ADARB2: variants seen among roughly 807,000 people sequenced by gnomAD.
ADARB2 encodes the protein inactive double-stranded RNA-specific editase B2.
A neutral mutation model predicts 62.2 loss-of-function variants in ADARB2; 25 were observed. The ratio of observed to expected loss-of-function variants is 0.40; its 90% confidence interval spans 0.29 to 0.56. The LOEUF is 0.56. Ranked by LOEUF, ADARB2 falls within the 20% of genes least tolerant of loss-of-function variation. ADARB2 has a pLI of 0.43. For missense variants in ADARB2, 1,071 were observed against 1,077.4 expected, an observed-to-expected ratio of 0.99 and a Z score of 0.08; for synonymous variants, 572 against 500.8, an observed-to-expected ratio of 1.14 and a Z score of -1.90.
intron 2 of ADARB2, among the ~76,000 whole-genome samples, chr10:1,374,599 G>A (rs1365234775): frequency 6.6e-6 from 1 of 152,186 alleles, no homozygotes; most frequent in East Asian, 1.9e-4. Flanking sequence ...GCCAGGCCGG[G>A]TGGGTCTGCC....
intron 3 of ADARB2, among the ~76,000 whole-genome samples, chr10:1,312,627 C>T (rs1831702727): frequency 6.6e-6 from 1 of 152,182 alleles, no homozygotes; most frequent in East Asian, 1.9e-4. Flanking sequence ...TCACAGTAAC[C>T]CTTTGAGGTA....
intron 1 of ADARB2, among the ~76,000 whole-genome samples, chr10:1,490,926 A>G (rs1831613988): frequency 6.6e-6 from 1 of 152,236 alleles, no homozygotes; most frequent in Admixed American, 6.5e-5. Context: ...TTACAGGATT[A>G]CCATGCTGAA....
intron 1 of ADARB2, among the ~76,000 whole-genome samples, chr10:1,715,481 AAATTG>A (rs1835006242): frequency 1.3e-5 from 2 of 152,208 alleles, no homozygotes; most frequent in Non-Finnish European, 2.9e-5. Flanking sequence ...TGATTTAAAA[AAATTG>A]TAGATGAAAA....
At chr10:1,429,473 A>T (rs1220090902) in intron 1 of ADARB2, among the ~76,000 whole-genome samples, 1 of 152,208 alleles carries the variant, frequency 6.6e-6, no homozygotes, top group Non-Finnish European at 1.5e-5. Flanking sequence ...CTCCGTAAAG[A>T]GAATATGGTA....
chr10:1,496,004 G>A (rs905262686), intron 1 of ADARB2, among the ~76,000 whole-genome samples: 1 of 149,014 alleles, frequency 6.7e-6, no homozygotes, highest in Non-Finnish European at 1.5e-5. Context: ...CATCATCATA[G>A]TCATCATCAT....
chr10:1,207,629 A>G (rs1020449944), intron 7 of ADARB2, among the ~76,000 whole-genome samples: 4 of 152,230 alleles, frequency 2.6e-5, no homozygotes, highest in African/African-American at 9.6e-5. Flanking sequence ...GGCACTCTGC[A>G]CAGGCTAAAA....
At chr10:1,667,972 T>C (rs1376203534) in intron 1 of ADARB2, among the ~76,000 whole-genome samples, 2 of 152,158 alleles carry the variant, frequency 1.3e-5, no homozygotes, top group African/African-American at 2.4e-5. Context: ...GAACATTAGG[T>C]CACTTCTCTC....
chr10:1,253,539 G>A (rs1372415393), intron 4 of ADARB2, among the ~76,000 whole-genome samples: 13 of 152,324 alleles, frequency 8.5e-5, no homozygotes, highest in East Asian at 3.9e-4. Context: ...CATTCATTCA[G>A]TGGGCATTAA....
At chr10:1,653,004 C>A (rs4880901) in intron 1 of ADARB2, among the ~76,000 whole-genome samples, 2 of 152,090 alleles carry the variant, frequency 1.3e-5, no homozygotes, top group Non-Finnish European at 2.9e-5. Flanking sequence ...CCTCCTCCCC[C>A]CTGGGATCCT....
intron 4 of ADARB2, among the ~76,000 whole-genome samples, chr10:1,270,089 G>A (rs1235974493): frequency 2.0e-5 from 3 of 152,228 alleles, no homozygotes; most frequent in African/African-American, 7.2e-5. Flanking sequence ...AGATCACACA[G>A]CCAAGACATG....
At chr10:1,639,694 T>C (rs959066117) in intron 1 of ADARB2, among the ~76,000 whole-genome samples, 4 of 152,054 alleles carry the variant, frequency 2.6e-5, no homozygotes, top group Non-Finnish European at 5.9e-5. Context: ...TACAAAAAAT[T>C]AGCTGGGTGT....
intron 1 of ADARB2, among the ~76,000 whole-genome samples, chr10:1,709,810 A>G (rs1233615325): frequency 6.6e-6 from 1 of 152,160 alleles, no homozygotes; most frequent in East Asian, 1.9e-4. Flanking sequence ...CCAGACAACT[A>G]CCTTAGCAGC....
intron 1 of ADARB2, among the ~76,000 whole-genome samples, chr10:1,618,572 G>T (rs1475763132): frequency 4.6e-5 from 7 of 151,930 alleles, no homozygotes; most frequent in Non-Finnish European, 7.4e-5. Context: ...TTGAGAGAGG[G>T]TCTTGCACTT....
At chr10:1,471,091 C>G (rs1011761736) in intron 1 of ADARB2, among the ~76,000 whole-genome samples, 1 of 152,100 alleles carries the variant, frequency 6.6e-6, no homozygotes, top group Admixed American at 6.6e-5. Context: ...AAAACACCTC[C>G]CATTTCTTAA....
chr10:1,266,942 A>G (rs1400477393), intron 4 of ADARB2, among the ~76,000 whole-genome samples: 4 of 152,236 alleles, frequency 2.6e-5, no homozygotes, highest in African/African-American at 9.6e-5. Flanking sequence ...AGAAATCTCC[A>G]AAAACATCGA....
chr10:1,350,319 G>A (rs745646935), intron 3 of ADARB2, among the ~76,000 whole-genome samples: 11 of 151,896 alleles, frequency 7.2e-5, no homozygotes, highest in Admixed American at 1.3e-4. Flanking sequence ...AATCCCAAGC[G>A]TTGCTGAGTC....
chr10:1,454,649 C>A (rs867811237), intron 1 of ADARB2, among the ~76,000 whole-genome samples: 1 of 151,982 alleles, frequency 6.6e-6, no homozygotes, highest in African/African-American at 2.4e-5. Flanking sequence ...AGACAGGAAG[C>A]AGAGGGTGGT....
Position 1,184,962 on chromosome 10 carries a change from G to C in ADARB2, c.1942C>G (p.Leu648Val). Residue 648 changes from leucine (L) to valine (V), a missense_variant, in exon 9 of 10, where the codon CTG (leucine) becomes GTG (valine). Physicochemically the swap from Leu to Val is conservative, Grantham distance 32. Coordinates refer to ENST00000381312, the MANE Select transcript of ADARB2 (RefSeq NM_018702.4). Reference sequence around the variant, plus strand: ...CCAGTGGTGGCGTTGATAATCTCCAGGTCCGCGCTGCCCACGACCCAGTTC... The same window carrying C: ...CCAGTGGTGGCGTTGATAATCTCCACGTCCGCGCTGCCCACGACCCAGTTC... ...SMNWVVGSAD[L>V]EIINATTGRR... 6.2e-7 allele frequency: 1 copy of C among 1,613,866 alleles called. No individual in the cohort carries two copies. Among genetic ancestry groups the C allele is most frequent in the Middle Eastern group, 1.7e-4 (1 of 6,028 alleles).
chr10:1,568,351 C>G (rs564974669), intron 1 of ADARB2, among the ~76,000 whole-genome samples: 1 of 152,252 alleles, frequency 6.6e-6, no homozygotes, highest in Admixed American at 6.5e-5. Flanking sequence ...AAAGCAGCAC[C>G]GATGGTCCAG....
Sources: gnomAD v4.1 joint callset for allele counts (sites outside exome capture counted in the v4.1 genomes callset) on GRCh38, gnomAD v4.1.1 for gene constraint, MANE v1.5 for transcripts, NCBI Gene and HGNC (gene_info 2026-07-23, HGNC 2026-07-21) for gene names.